The following ZFHX3 variants were observed in gnomAD, a reference collection of about 807,000 sequenced individuals.
ZFHX3 encodes zinc finger homeobox protein 3.
A neutral mutation model predicts 279.1 loss-of-function variants in ZFHX3; 42 were observed. That is an observed-to-expected ratio of 0.15 (90% confidence interval 0.12 to 0.19). The LOEUF (loss-of-function observed/expected upper bound fraction) is 0.19, where lower values mean the gene tolerates loss of function less well. ZFHX3 is among the 10% of genes least tolerant of loss of function. The pLI, the probability that ZFHX3 is intolerant of heterozygous loss-of-function variation, is 1.00. For missense variants in ZFHX3, 4,981 were observed against 4,754.0 expected, an observed-to-expected ratio of 1.05 and a Z score of -1.40; for synonymous variants, 2,293 against 1,957.8, an observed-to-expected ratio of 1.17 and a Z score of -4.52.
intron 2 of ZFHX3, among the ~76,000 whole-genome samples, chr16:73,516,061 A>G (rs944525313): frequency 2.6e-5 from 4 of 152,352 alleles, no homozygotes; most frequent in African/African-American, 9.6e-5. Flanking sequence ...CTCTGTCGCT[A>G]ACTCTTCACC....
chr16:73,556,162 G>A (rs2020279080), intron 2 of ZFHX3, among the ~76,000 whole-genome samples: 1 of 152,196 alleles, frequency 6.6e-6, no homozygotes, highest in Non-Finnish European at 1.5e-5. Flanking sequence ...CAATGCATCA[G>A]TGGAAGAGAT....
At chr16:73,454,256 C>T (rs990044977) in intron 3 of ZFHX3, among the ~76,000 whole-genome samples, 8 of 152,178 alleles carry the variant, frequency 5.3e-5, no homozygotes, top group African/African-American at 1.9e-4. Context: ...GTCTTTGTCT[C>T]AATCTTGGGT....
intron 1 of ZFHX3, among the ~76,000 whole-genome samples, chr16:73,873,997 G>T (rs190456959): frequency 7.2e-5 from 11 of 152,176 alleles, no homozygotes; most frequent in African/African-American, 2.6e-4. Context: ...AGAAACAAAG[G>T]TATTGCTACT....
intron 3 of ZFHX3, among the ~76,000 whole-genome samples, chr16:73,370,628 A>C (rs2016611425): frequency 6.6e-6 from 1 of 152,128 alleles, no homozygotes; most frequent in African/African-American, 2.4e-5. Context: ...CCCCTACTAC[A>C]TATACTGGGG....
chr16:73,863,768 G>T (rs114396804), intron 1 of ZFHX3, among the ~76,000 whole-genome samples: 1 of 152,250 alleles, frequency 6.6e-6, no homozygotes, highest in African/African-American at 2.4e-5. Flanking sequence ...GAAGTGTATT[G>T]TATATCATAT....
chr16:73,628,960 T>C (rs1243613479), intron 2 of ZFHX3, among the ~76,000 whole-genome samples: 2 of 151,990 alleles, frequency 1.3e-5, no homozygotes, highest in Non-Finnish European at 2.9e-5. Context: ...AAAGAAGGGG[T>C]GTGTGGCTGT....
At chr16:73,598,763 T>TTTTG in intron 2 of ZFHX3, among the ~76,000 whole-genome samples, 1 of 152,012 alleles carries the variant, frequency 6.6e-6, no homozygotes, top group South Asian at 2.1e-4. Context: ...ATACTCTCTT[T>TTTTG]TTTGTTTGTT....
At chr16:73,731,869 A>G (rs2142250021) in intron 1 of ZFHX3, among the ~76,000 whole-genome samples, 1 of 152,326 alleles carries the variant, frequency 6.6e-6, no homozygotes, top group South Asian at 2.1e-4. Context: ...ACGTTTTGGA[A>G]GGATAGACTG....
chr16:73,358,214 T>C (rs530442915), intron 3 of ZFHX3, among the ~76,000 whole-genome samples: 18 of 152,338 alleles, frequency 1.2e-4, no homozygotes, highest in Admixed American at 3.3e-4. Context: ...GCATCTGCAC[T>C]CTCTTGCAGT....
At chr16:73,196,406 A>G (rs765342839) in intron 5 of ZFHX3, among the ~76,000 whole-genome samples, 4 of 152,062 alleles carry the variant, frequency 2.6e-5, no homozygotes, top group Non-Finnish European at 2.9e-5. Context: ...CCTGATGGCT[A>G]CGGACTTCGA....
At chr16:73,334,199 C>CA (rs1283754587) in intron 3 of ZFHX3, among the ~76,000 whole-genome samples, 2 of 152,048 alleles carry the variant, frequency 1.3e-5, no homozygotes, top group African/African-American at 2.4e-5. Flanking sequence ...CAGAGGGGGC[C>CA]ACGGAGGGTC....
chr16:73,203,079 C>A (rs1027940027), intron 5 of ZFHX3, among the ~76,000 whole-genome samples: 8 of 152,012 alleles, frequency 5.3e-5, no homozygotes, highest in Admixed American at 3.9e-4. Context: ...TTAGGAGACC[C>A]TCCCCCATGC....
At chr16:73,810,527 C>T (rs574057019) in intron 1 of ZFHX3, among the ~76,000 whole-genome samples, 10 of 152,278 alleles carry the variant, frequency 6.6e-5, no homozygotes, top group African/African-American at 2.4e-4. Context: ...ATAGCAATAT[C>T]TAATGTTTTT....
chr16:73,822,640 C>A (rs1354885811), intron 1 of ZFHX3, among the ~76,000 whole-genome samples: 1 of 152,118 alleles, frequency 6.6e-6, no homozygotes, highest in African/African-American at 2.4e-5. Context: ...TCGTTCTCAT[C>A]ATTTACTGTA....
In ZFHX3 at chr16:72,957,794, GGCTGCCGCCGCCGCCGCAGCCACC is replaced by G. The variant is rs779255944; in HGVS notation, c.2328_2351del (p.Val777_Ala784del). The G allele has an allele frequency of 4.3e-6, 7 of 1,610,812 alleles. No individual in the cohort carries two copies. The highest frequency in any genetic ancestry group is 5.1e-6 in the Non-Finnish European group (6 of 1,178,722). On this transcript the variant is annotated inframe_deletion, in exon 2 of 10. Coordinates refer to ENST00000268489, the MANE Select transcript of ZFHX3 (RefSeq NM_006885.4). ...GGGCCCCGCAGGAGCTACTGATATT[GGCTGCCGCCGCCGCCGCAGCCACC>G]GCCGCCGCCGCCGCCCCGGCAGTGT...
intron 1 of ZFHX3, among the ~76,000 whole-genome samples, chr16:73,743,494 C>A (rs984154415): frequency 7.2e-5 from 11 of 152,290 alleles, no homozygotes; most frequent in African/African-American, 2.4e-4. Context: ...TCAAAAGGCT[C>A]TAACAATATA....
At chr16:73,042,711 T>C (rs1261319911) in intron 1 of ZFHX3, among the ~76,000 whole-genome samples, 1 of 152,016 alleles carries the variant, frequency 6.6e-6, no homozygotes, top group Non-Finnish European at 1.5e-5. Flanking sequence ...GTGGCCAAGA[T>C]AACTTTTGGG....
In ZFHX3 at chr16:72,967,339, G is replaced by C. The variant is rs865889208; in HGVS notation, c.-49-7145C>G. On this transcript the variant is annotated intron_variant, in intron 1 of 9. Transcript: ENST00000268489. The stretch of plus-strand genomic sequence containing the variant: ...GAAGATGTGTCAAAATGACCTAGGA[G>C]TGGGTTGGAGGGGCTCCCAGTGGCC... Among the ~76,000 whole-genome samples the C allele has an allele frequency of 1.6e-4, 24 of 152,238 alleles. 1 individual carries two copies. Among genetic ancestry groups the C allele is most frequent in the Middle Eastern group, 6.8e-3 (2 of 294 alleles).
chr16:72,944,066 T>A (rs910845239), intron 3 of ZFHX3, among the ~76,000 whole-genome samples: 4 of 152,146 alleles, frequency 2.6e-5, no homozygotes, highest in African/African-American at 9.7e-5. Flanking sequence ...TGGATCGTGC[T>A]TGAGCCCAGG....
Sources: allele counts gnomAD v4.1 joint callset (sites outside exome capture counted in the v4.1 genomes callset), GRCh38; gene constraint gnomAD v4.1.1; transcripts MANE v1.5; gene names NCBI Gene and HGNC (gene_info 2026-07-23, HGNC 2026-07-21).